GPC6: variants seen among roughly 807,000 people sequenced by gnomAD.
GPC6 encodes glypican-6.
GPC6 carries 14 observed loss-of-function variants against 55.2 expected under a neutral mutation model. The observed-to-expected ratio is 0.25, with a 90% CI of 0.17 to 0.40. GPC6 has a LOEUF of 0.40. GPC6 is among the 10% of genes least tolerant of loss of function. The probability of loss-of-function intolerance (pLI) is 1.00; values close to 1 mark genes in which losing one functional copy is unlikely to be tolerated. For synonymous variants in GPC6, 278 were observed against 259.6 expected (o/e 1.07, Z -0.68); for missense variants, 641 against 708.5 (o/e 0.90, Z 1.08).
chr13:93,428,368 A>G (rs950639608), intron 1 of GPC6, among the ~76,000 whole-genome samples: 1 of 152,180 alleles, frequency 6.6e-6, no homozygotes, highest in South Asian at 2.1e-4. Flanking sequence ...CCTACCAGGG[A>G]GCATCAAACA....
intron 1 of GPC6, among the ~76,000 whole-genome samples, chr13:93,492,035 T>G (rs1002734523): frequency 7.1e-6 from 1 of 141,760 alleles, no homozygotes; most frequent in African/African-American, 2.7e-5. Flanking sequence ...AACTTTAAAG[T>G]AGTTTTTTCC....
intron 1 of GPC6, among the ~76,000 whole-genome samples, chr13:93,273,626 C>G (rs1052862858): frequency 1.3e-5 from 2 of 152,012 alleles, no homozygotes; most frequent in Non-Finnish European, 2.9e-5. Flanking sequence ...CCACTGCACT[C>G]CAGCCTGGGC....
At chr13:93,918,398 G>A (rs1427255203) in intron 3 of GPC6, among the ~76,000 whole-genome samples, 2 of 152,034 alleles carry the variant, frequency 1.3e-5, no homozygotes, top group South Asian at 2.1e-4. Flanking sequence ...GAGCAAAGAG[G>A]GCAGTTTTAA....
chr13:93,246,346 T>C (rs963223204), intron 1 of GPC6, among the ~76,000 whole-genome samples: 2 of 152,242 alleles, frequency 1.3e-5, no homozygotes, highest in South Asian at 2.1e-4. Flanking sequence ...CCTCTCTTTG[T>C]GCCCCCAGGA....
chr13:93,379,198 G>A (rs1289504281), intron 1 of GPC6, among the ~76,000 whole-genome samples: 1 of 152,050 alleles, frequency 6.6e-6, no homozygotes, highest in Non-Finnish European at 1.5e-5. Context: ...GGACTACATA[G>A]CCCAGACTAT....
At chr13:93,255,466 T>C (rs1257381795) in intron 1 of GPC6, among the ~76,000 whole-genome samples, 1 of 152,212 alleles carries the variant, frequency 6.6e-6, no homozygotes, top group Non-Finnish European at 1.5e-5. Context: ...TTTCTTAAAA[T>C]TGATCTGTAC....
chr13:94,308,061 A>C (rs1876044031), intron 6 of GPC6, among the ~76,000 whole-genome samples: 1 of 152,224 alleles, frequency 6.6e-6, no homozygotes. Flanking sequence ...TAAAATAAGA[A>C]GTTTTAAAAG....
At chr13:93,585,719 C>T (rs1279180177) in intron 2 of GPC6, among the ~76,000 whole-genome samples, 1 of 152,090 alleles carries the variant, frequency 6.6e-6, no homozygotes, top group Non-Finnish European at 1.5e-5. Flanking sequence ...TTTTATTTCT[C>T]TAAATTAGAG....
chr13:94,372,738 T>C (rs1228403243), intron 6 of GPC6, among the ~76,000 whole-genome samples: 3 of 152,166 alleles, frequency 2.0e-5, no homozygotes, highest in Non-Finnish European at 4.4e-5. Context: ...TGCCTGCCTC[T>C]GTAGGCTCCA....
At chr13:94,393,122 G>A (rs1238903608) in intron 7 of GPC6, among the ~76,000 whole-genome samples, 5 of 152,202 alleles carry the variant, frequency 3.3e-5, no homozygotes, top group African/African-American at 1.2e-4. Context: ...AGAGGTTGCT[G>A]ATAGCATAGG....
At chr13:94,214,967 A>G (rs1890184074) in intron 4 of GPC6, among the ~76,000 whole-genome samples, 1 of 152,228 alleles carries the variant, frequency 6.6e-6, no homozygotes, top group African/African-American at 2.4e-5. Flanking sequence ...ATAACTGTTT[A>G]AACATTTCAA....
chr13:93,736,966 A>G (rs1485915156), intron 2 of GPC6, among the ~76,000 whole-genome samples: 1 of 152,202 alleles, frequency 6.6e-6, no homozygotes, highest in Admixed American at 6.5e-5. Context: ...TTTATGAGAA[A>G]ATAAAGATAA....
At chr13:93,625,736 G>A (rs1397224449) in intron 2 of GPC6, among the ~76,000 whole-genome samples, 1 of 152,166 alleles carries the variant, frequency 6.6e-6, no homozygotes, top group Non-Finnish European at 1.5e-5. Context: ...AATCAGAACA[G>A]CCAACTGTAA....
intron 2 of GPC6, among the ~76,000 whole-genome samples, chr13:93,571,400 T>A (rs1263857425): frequency 2.0e-5 from 3 of 152,186 alleles, no homozygotes; most frequent in Non-Finnish European, 2.9e-5. Context: ...TTGTTTTAAT[T>A]ATCTCAGCTG....
chr13:94,008,786 G>A (rs1369778408), intron 3 of GPC6, among the ~76,000 whole-genome samples: 1 of 152,082 alleles, frequency 6.6e-6, no homozygotes, highest in Non-Finnish European at 1.5e-5. Flanking sequence ...TCTTCAATTT[G>A]CAAGCCATTA....
chr13:93,816,334 AT>A (rs1237001144), intron 2 of GPC6, among the ~76,000 whole-genome samples: 2 of 152,176 alleles, frequency 1.3e-5, no homozygotes, highest in African/African-American at 4.8e-5. Context: ...CCTGGGGACT[AT>A]TATTTTATAG....
At chr13:94,321,895 A>G (rs912909932) in intron 6 of GPC6, among the ~76,000 whole-genome samples, 1 of 152,060 alleles carries the variant, frequency 6.6e-6, no homozygotes, top group Non-Finnish European at 1.5e-5. Flanking sequence ...TTCATGAACT[A>G]TTTTCACTAA....
In GPC6 at chr13:94,034,861, A is replaced by G. The variant is rs538734244; in HGVS notation, c.877+6967A>G. On this transcript the variant is annotated intron_variant, in intron 4 of 8. Transcript: ENST00000377047. ...CATACCTATTGTGCAACTAAAATTC[A>G]TTAGGAAGCAAAATATTTCATGTAT... Among the ~76,000 whole-genome samples, 16 of 151,640 alleles carry G rather than the reference A, an allele frequency of 1.1e-4. 1 individual carries two copies. The highest frequency in any genetic ancestry group is 3.4e-4 in the African/African-American group (14 of 41,444).
chr13:93,495,967 C>G (rs1322343429), intron 1 of GPC6, among the ~76,000 whole-genome samples: 1 of 150,424 alleles, frequency 6.6e-6, no homozygotes, highest in Admixed American at 6.6e-5. Context: ...GAGGTTACTG[C>G]TGTCTTTTTG....
Sources: gnomAD v4.1 joint callset for allele counts (sites outside exome capture counted in the v4.1 genomes callset) on GRCh38, gnomAD v4.1.1 for gene constraint, MANE v1.5 for transcripts, NCBI Gene and HGNC (gene_info 2026-07-23, HGNC 2026-07-21) for gene names.